Variants in SLC5A6 observed in about 807,000 individuals in gnomAD.
SLC5A6 encodes the protein solute carrier family 5 member 6.
SLC5A6 carries 31 observed loss-of-function variants against 67.9 expected under a neutral mutation model. The observed-to-expected ratio is 0.46, with a 90% CI of 0.34 to 0.62. The LOEUF is 0.62. Among genes scored for constraint, SLC5A6 ranks in the 20% least tolerant of loss-of-function variants. The probability of loss-of-function intolerance (pLI) is 0.01; values close to 1 mark genes in which losing one functional copy is unlikely to be tolerated. For missense variants in SLC5A6, 673 were observed against 812.8 expected (o/e 0.83, Z 2.09); for synonymous variants, 343 against 331.0 (o/e 1.04, Z -0.39).
chr2:27,212,320 G>A (rs1674603466), upstream of SLC5A6: 6 of 1,549,182 alleles, frequency 3.9e-6, no homozygotes, highest in South Asian at 6.0e-5. Flanking sequence ...TGCGGGGCGG[G>A]GCCGCGGGGC....
chr2:27,209,545 T>C (rs1674311648), intron 2 of SLC5A6, among the ~76,000 whole-genome samples: 1 of 152,230 alleles, frequency 6.6e-6, no homozygotes, highest in Admixed American at 6.5e-5. Flanking sequence ...AGAGAAACAG[T>C]GCTGTCTGCA....
chr2:27,201,592 C>G, intron 14 of SLC5A6, 74 bp downstream of exon 14: 1 of 1,490,700 alleles, frequency 6.7e-7, no homozygotes, highest in Non-Finnish European at 9.3e-7. Context: ...GTGGCCCATC[C>G]CTTAGCAAGA....
rs998847630 is a variant in SLC5A6 at position 27,200,232 on chromosome 2, C to T, written c.*204G>A. 8.3e-6 allele frequency: 4 copies of T among 483,984 alleles called. No individual in the cohort carries two copies. Among genetic ancestry groups the T allele is most frequent in the Non-Finnish European group, 1.1e-5 (3 of 277,458 alleles). The allele number at this position is 483,984 out of a possible 1,614,324, so 30.0% of individuals were successfully genotyped here. A position where few individuals can be genotyped will look rare whatever the true frequency, so the allele number is the denominator to read the frequency against. ...ATCCTTTAAAAAACAGATTGGCAAG[C>T]GACGAGAAAAACGGTGCCTCACATG... On this transcript the variant is annotated 3_prime_UTR_variant, in exon 17 of 17. Coordinates refer to ENST00000310574, the MANE Select transcript of SLC5A6 (RefSeq NM_021095.4).
intron 14 of SLC5A6, 93 bp downstream of exon 14, chr2:27,201,573 G>C: frequency 7.1e-7 from 1 of 1,405,556 alleles, no homozygotes; most frequent in Non-Finnish European, 9.9e-7. Context: ...CATTTCCCTG[G>C]GGCCTCTGGT....
intron 12 of SLC5A6, 21 bp downstream of exon 12, chr2:27,202,792 C>G (rs771000429): frequency 6.2e-7 from 1 of 1,607,240 alleles, no homozygotes; most frequent in East Asian, 2.2e-5. Context: ...AAAATTGCTT[C>G]CTACCCTCTA....
chr2:27,207,986 T>C lies in SLC5A6; in HGVS notation c.-140-196A>G, dbSNP rs1420211833. Among the ~76,000 whole-genome samples, 1 of 152,138 alleles carries C rather than the reference T, an allele frequency of 6.6e-6. No homozygotes were observed. The highest frequency in any genetic ancestry group is 1.5e-5 in the Non-Finnish European group (1 of 68,020). ...TCAGAGTGCGACAGCCAGGAGACAA[T>C]ATAACTTGGCCAGGACCTTTGAGTA... On this transcript the variant is annotated intron_variant, in intron 2 of 16. Transcript: ENST00000310574. This position sits in a 1 kb window ranked among gnomAD's most constrained non-coding sequence, Gnocchi z 5.5.
In SLC5A6 at chr2:27,206,893, G is replaced by A. The variant is rs753582959; in HGVS notation, c.443C>T (p.Thr148Ile). The A allele has an allele frequency of 4.0e-5, 65 of 1,613,428 alleles. No homozygotes were observed. Among genetic ancestry groups the A allele is most frequent in the Non-Finnish European group, 5.3e-5 (62 of 1,179,474 alleles). The change falls in exon 4 of 17, where the codon ACC becomes ATC. Residue 148 changes from threonine (T) to isoleucine (I), a missense_variant. Physicochemically the swap from Thr to Ile is moderately conservative, Grantham distance 89 (BLOSUM62 -1). Coordinates refer to ENST00000310574, the MANE Select transcript of SLC5A6 (RefSeq NM_021095.4). ...TCTGCTTACCATCTGAAAGATGAAG[G>A]TCACAGTTCCACACACTCGCACAGT... ...NKTVRVCGTVTFIFQMVIYMG... is the reference protein window; with the variant it reads ...NKTVRVCGTVIFIFQMVIYMG...
In SLC5A6 at chr2:27,202,864, C is replaced by T; in HGVS notation, c.1224G>A (p.Leu408=). ...AAATATAGGCCATTCCTAGACAAAGCAGCCCATAGCCAAAGGCTGGGGGAA... is the reference window on the plus strand; with the variant it reads ...AAATATAGGCCATTCCTAGACAAAGTAGCCCATAGCCAAAGGCTGGGGGAA... ...LSRGLAFGYG[L]LCLGMAYISS... The change falls in exon 12 of 17, where the codon CTG becomes CTA. Residue 408 remains leucine, a synonymous_variant. Coordinates refer to ENST00000310574, the MANE Select transcript of SLC5A6 (RefSeq NM_021095.4). 1 of 1,613,972 alleles carries T rather than the reference C, an allele frequency of 6.2e-7. No homozygotes were observed. The highest frequency in any genetic ancestry group is 8.5e-7 in the Non-Finnish European group (1 of 1,179,934).
chr2:27,209,981 C>T (rs1216345282), intron 2 of SLC5A6, among the ~76,000 whole-genome samples: 1 of 152,166 alleles, frequency 6.6e-6, no homozygotes, highest in African/African-American at 2.4e-5. Flanking sequence ...CAAGTTTTTA[C>T]TGCTATGATA....
chr2:27,208,076 T>C (rs1674204845), intron 2 of SLC5A6, among the ~76,000 whole-genome samples: 1 of 152,024 alleles, frequency 6.6e-6, no homozygotes, highest in South Asian at 2.1e-4. Context: ...AAAAATAAAC[T>C]CTAGCCTAAG....
chr2:27,206,949 A>G lies in SLC5A6; in HGVS notation c.394-7T>C. 6.2e-7 allele frequency: 1 copy of G among 1,611,238 alleles called. No individual in the cohort carries two copies. On this transcript the variant is annotated splice_polypyrimidine_tract_variant and splice_region_variant and intron_variant, in intron 3 of 16. Transcript: ENST00000310574. Reference sequence around the variant, plus strand: ...TGAATCGAAGCTCCAGGTACTGGGTATACAGAAAAAAAGATTTTTCTCCTG... The same window carrying G: ...TGAATCGAAGCTCCAGGTACTGGGTGTACAGAAAAAAAGATTTTTCTCCTG...
chr2:27,206,214 C>G, intron 5 of SLC5A6, 121 bp from the exon 6 acceptor site: 1 of 871,822 alleles, frequency 1.1e-6, no homozygotes, highest in African/African-American at 1.7e-5. Context: ...TGAAATAAAT[C>G]ATTCACCACA....
chr2:27,212,357 AG>A, upstream of SLC5A6: 1 of 1,550,272 alleles, frequency 6.5e-7, no homozygotes. Flanking sequence ...CGGAGCACCA[AG>A]GGAACGGAAA....
At chr2:27,210,361 AAAGC>A (rs1336174466) in intron 2 of SLC5A6, among the ~76,000 whole-genome samples, 3 of 152,170 alleles carry the variant, frequency 2.0e-5, no homozygotes, top group African/African-American at 7.2e-5. Context: ...AGGGCGGCCA[AAAGC>A]AAGAGCTAGC....
In SLC5A6 at chr2:27,204,569, G is replaced by A; in HGVS notation, c.897C>T (p.Pro299=). The change falls in exon 9 of 17, where the codon CCC becomes CCT. Residue 299 remains proline (P), a synonymous_variant. Coordinates refer to ENST00000310574, the MANE Select transcript of SLC5A6 (RefSeq NM_021095.4). ...CCACGCAGAGGGACACCTGCTGGAA[G>A]GGGAACACTGCATAACAGGAGCTGC... is the stretch of plus-strand genomic sequence containing the variant. ...AAVLSCYAVF[P]FQQVSLCVGC... 6.2e-7 allele frequency: 1 copy of A among 1,614,130 alleles called. No homozygotes were observed. Among genetic ancestry groups the A allele is most frequent in the Non-Finnish European group, 8.5e-7 (1 of 1,179,998 alleles).
chr2:27,200,205 T>A lies in SLC5A6; in HGVS notation c.*231A>T. ...GGCATGATCCTGCTCCCTACGAGCC[T>A]GATCCTTTAAAAAACAGATTGGCAA... On this transcript the variant is annotated 3_prime_UTR_variant, in exon 17 of 17. Transcript: ENST00000310574. 2 of 460,322 alleles carry A rather than the reference T, an allele frequency of 4.3e-6. No individual in the cohort carries two copies. Among genetic ancestry groups the A allele is most frequent in the Non-Finnish European group, 7.7e-6 (2 of 260,366 alleles). 28.5% of individuals were successfully genotyped at this position (460,322 alleles called of 1,614,324 possible).
chr2:27,212,733 G>A (rs143266715), upstream of SLC5A6: 260 of 1,072,626 alleles, frequency 2.4e-4, no homozygotes, highest in African/African-American at 4.0e-3. Flanking sequence ...TCTACAGACG[G>A]GTCCTCTGCC....
rs867390981 is a variant in SLC5A6, at chr2:27,212,234, G to GA, written c.-423dup. On this transcript the variant is annotated 5_prime_UTR_variant, in exon 1 of 17. Coordinates refer to ENST00000310574, the MANE Select transcript of SLC5A6 (RefSeq NM_021095.4). ...GACCAGCGCAGAGCTCCACGAGCAG[G>GA]AAAAGCCCCCAAGCAGCCCCAGGGC... is the stretch of plus-strand genomic sequence containing the variant. 5 of 1,561,382 alleles carry GA rather than the reference G, an allele frequency of 3.2e-6. No individual in the cohort carries two copies. The East Asian group carries it at 7.0e-5, about 22-fold the overall frequency.
chr2:27,203,227 C>A lies in SLC5A6; in HGVS notation c.1207+6G>T. The A allele has an allele frequency of 1.2e-6, 2 of 1,614,082 alleles. No individual in the cohort carries two copies. Among genetic ancestry groups the A allele is most frequent in the Non-Finnish European group, 1.7e-6 (2 of 1,180,010 alleles). On this transcript the variant is annotated splice_donor_region_variant and intron_variant, in intron 11 of 16. Coordinates refer to ENST00000310574, the MANE Select transcript of SLC5A6 (RefSeq NM_021095.4). ...AGACTGAAGAGATGAGGAAGCATAA[C>A]CCCACCAAGGCCTCTGGAAAGCATG...
Sources: allele counts gnomAD v4.1 joint callset (sites outside exome capture counted in the v4.1 genomes callset), GRCh38; gene constraint gnomAD v4.1.1; non-coding constraint Gnocchi (gnomAD v3.1); transcripts MANE v1.5; gene names NCBI Gene and HGNC (gene_info 2026-07-23, HGNC 2026-07-21).